ABCA13: variants seen among roughly 807,000 people sequenced by gnomAD.
ABCA13 encodes the protein ATP binding cassette subfamily A member 13.
ABCA13 carries 476 observed loss-of-function variants against 478.7 expected under a neutral mutation model. The observed-to-expected ratio is 0.99, with a 90% CI of 0.92 to 1.07. The LOEUF is 1.07. ABCA13 is among the 50% of genes least tolerant of loss of function. The pLI is 0.00. For synonymous variants in ABCA13, 2,252 were observed against 2,158.9 expected (o/e 1.04, Z -1.20); for missense variants, 6,060 against 5,910.6 (o/e 1.03, Z -0.83).
intron 59 of ABCA13, among the ~76,000 whole-genome samples, chr7:48,638,895 A>C (rs73696907): frequency 0.019 from 2,853 of 152,284 alleles, 81 homozygotes; most frequent in African/African-American, 0.064. Context: ...ATTAGATGAG[A>C]TCCTGCTTCA....
At chr7:48,300,853 C>T (rs1011214584) in intron 23 of ABCA13, among the ~76,000 whole-genome samples, 1 of 152,214 alleles carries the variant, frequency 6.6e-6, no homozygotes, top group Non-Finnish European at 1.5e-5. Flanking sequence ...CCTGGGTTTG[C>T]ATCCTGTCCA....
chr7:48,454,641 C>T (rs540979120), intron 42 of ABCA13, among the ~76,000 whole-genome samples: 10 of 152,196 alleles, frequency 6.6e-5, no homozygotes, highest in Middle Eastern at 3.4e-3. Context: ...TGGGGTTATT[C>T]CCTGAATGAA....
At chr7:48,510,886 A>G (rs1203507458) in intron 50 of ABCA13, among the ~76,000 whole-genome samples, 198 bp from the exon 51 acceptor site, 1 of 151,624 alleles carries the variant, frequency 6.6e-6, no homozygotes, top group Admixed American at 6.6e-5. Context: ...CTGGGGGTTC[A>G]ATGTATAAAT....
intron 41 of ABCA13, among the ~76,000 whole-genome samples, chr7:48,427,548 G>C (rs1821596996): frequency 6.6e-6 from 1 of 152,204 alleles, no homozygotes; most frequent in Non-Finnish European, 1.5e-5. Context: ...GGAGTTCACA[G>C]TCAAGTTTCA....
intron 57 of ABCA13, among the ~76,000 whole-genome samples, chr7:48,592,199 C>CT (rs57534854): frequency 6.6e-6 from 1 of 151,376 alleles, no homozygotes; most frequent in Non-Finnish European, 1.5e-5. Context: ...TGAAATCTTT[C>CT]TTTTTTTCTT....
In ABCA13 at chr7:48,278,580, T is replaced by C; in HGVS notation, c.7386T>C (p.Asn2462=). ...CGGATTTGCTTTTCTTTATAAATAA[T>C]TCATTCCCTCTAAGAAACAGAGCAA... The part of the protein sequence containing the change: ...NLTDLLFFIN[N]SFPLRNRATL... The change falls in exon 18 of 62, where the codon AAT becomes AAC. Residue 2462 remains asparagine (N), a synonymous_variant. Coordinates refer to ENST00000435803, the MANE Select transcript of ABCA13 (RefSeq NM_152701.5). The C allele has an allele frequency of 1.2e-6, 2 of 1,613,906 alleles. No homozygotes were observed. Among genetic ancestry groups the C allele is most frequent in the Non-Finnish European group, 1.7e-6 (2 of 1,179,844 alleles).
chr7:48,398,311 T>C (rs1315487328), intron 38 of ABCA13, among the ~76,000 whole-genome samples: 1 of 152,212 alleles, frequency 6.6e-6, no homozygotes, highest in Non-Finnish European at 1.5e-5. Flanking sequence ...TGCTTCATCT[T>C]TTTTTGGGTG....
At chr7:48,447,883 G>A (rs1824495356) in intron 42 of ABCA13, among the ~76,000 whole-genome samples, 1 of 152,210 alleles carries the variant, frequency 6.6e-6, no homozygotes, top group South Asian at 2.1e-4. Context: ...AGACAGGTAA[G>A]TGGAAGGTGA....
intron 27 of ABCA13, among the ~76,000 whole-genome samples, chr7:48,319,168 T>A (rs1046594121): frequency 6.6e-5 from 10 of 152,084 alleles, no homozygotes; most frequent in African/African-American, 2.4e-4. Context: ...GACAGAGGTG[T>A]GGGGAGGTGC....
intron 48 of ABCA13, among the ~76,000 whole-genome samples, chr7:48,499,051 A>G (rs1238856346): frequency 6.6e-6 from 1 of 152,164 alleles, no homozygotes; most frequent in Non-Finnish European, 1.5e-5. Flanking sequence ...TTGGTTTTGG[A>G]TAGGATTATA....
intron 35 of ABCA13, among the ~76,000 whole-genome samples, chr7:48,383,649 A>G (rs1379422851): frequency 1.3e-5 from 2 of 152,218 alleles, no homozygotes; most frequent in African/African-American, 2.4e-5. Flanking sequence ...GCTATAATAC[A>G]TCAGATGGAT....
In ABCA13 at chr7:48,285,396, A is replaced by T. The variant is rs952471377; in HGVS notation, c.8837-2564A>T. 2.8e-4 allele frequency among the ~76,000 whole-genome samples: 43 copies of T among 152,184 alleles called. 2 individuals are homozygous for T. The highest frequency in any genetic ancestry group is 9.9e-4 in the African/African-American group (41 of 41,454). Reference sequence around the variant, plus strand: ...GGTGGAGAAAGAGGGTACCCGGGAAAGTTGGAGGAGTCAAGGCTCAAAACC... The same window carrying T: ...GGTGGAGAAAGAGGGTACCCGGGAATGTTGGAGGAGTCAAGGCTCAAAACC... On this transcript the variant is annotated intron_variant, in intron 19 of 61. Transcript: ENST00000435803.
chr7:48,645,539 A>C lies in ABCA13; in HGVS notation c.*27A>C, dbSNP rs561507666. ...CACTAAAGAAGTTTCCATAAGGAAT[A>C]AAACCTTGTCTTCCATTACAATTAA... is the stretch of plus-strand genomic sequence containing the variant. On this transcript the variant is annotated 3_prime_UTR_variant, in exon 62 of 62. Coordinates refer to ENST00000435803, the MANE Select transcript of ABCA13 (RefSeq NM_152701.5). 6.5e-7 allele frequency: 1 copy of C among 1,530,462 alleles called. No homozygotes were observed. Among genetic ancestry groups the C allele is most frequent in the South Asian group, 1.2e-5 (1 of 83,078 alleles). The allele number at this position is 1,530,462 out of a possible 1,614,324, so 94.8% of individuals were successfully genotyped here.
At chr7:48,519,266 G>A (rs558966577) in intron 52 of ABCA13, among the ~76,000 whole-genome samples, 1 of 152,238 alleles carries the variant, frequency 6.6e-6, no homozygotes, top group Non-Finnish European at 1.5e-5. Flanking sequence ...GTGAACATAT[G>A]TGTGCACATA....
At chr7:48,469,478 C>T (rs189091772) in intron 44 of ABCA13, among the ~76,000 whole-genome samples, 2 of 152,276 alleles carry the variant, frequency 1.3e-5, no homozygotes, top group African/African-American at 4.8e-5. Flanking sequence ...ACTTGCTGAA[C>T]CTCTCTCTGC....
chr7:48,298,470 A>G lies in ABCA13; in HGVS notation c.9304A>G (p.Asn3102Asp), dbSNP rs1388224460. 7 of 1,612,866 alleles carry G rather than the reference A, an allele frequency of 4.3e-6. No homozygotes were observed. The Admixed American group carries it at 1.2e-4, about 27-fold the overall frequency. The change falls in exon 23 of 62, where the codon AAT (asparagine) becomes GAT (aspartate). Residue 3102 changes from asparagine (N) to aspartate (D), a missense_variant. By Grantham distance (23) the Asn-to-Asp change is conservative. Coordinates refer to ENST00000435803, the MANE Select transcript of ABCA13 (RefSeq NM_152701.5). ...NETIHSILEA[N>D]ISHSKVLFSA... ...GACTATCCATAGCATTCTAGAAGCA[A>G]ATATTTCCCACTCCAAGGTGTGGTG...
chr7:48,579,625 AC>A (rs751682131), intron 55 of ABCA13, among the ~76,000 whole-genome samples: 3 of 106,914 alleles, frequency 2.8e-5, no homozygotes, highest in Non-Finnish European at 3.8e-5. Context: ...TAATAAAAAA[AC>A]AGTTTGATTA....
rs1404213505 is a variant in ABCA13, at chr7:48,274,265, A to G, written c.4599A>G (p.Ser1533=). 1 of 1,613,006 alleles carries G rather than the reference A, an allele frequency of 6.2e-7. No homozygotes were observed. Among genetic ancestry groups the G allele is most frequent in the East Asian group, 2.2e-5 (1 of 44,818 alleles). ...TELILRPIEM[S]DEIPNQFQNI... The stretch of plus-strand genomic sequence containing the variant: ...TAATTCTAAGACCAATAGAAATGTC[A>G]GATGAAATTCCTAATCAGTTTCAAA... Residue 1533 remains serine (S), a synonymous_variant, in exon 17 of 62, where the codon TCA becomes TCG. Transcript: ENST00000435803.
intron 28 of ABCA13, among the ~76,000 whole-genome samples, 172 bp from the exon 29 acceptor site, chr7:48,338,193 C>T (rs1806567288): frequency 6.6e-6 from 1 of 152,294 alleles, no homozygotes; most frequent in South Asian, 2.1e-4. Flanking sequence ...AGGTAAGCTT[C>T]TAATAAGATA....
Sources: gnomAD v4.1 joint callset for allele counts (sites outside exome capture counted in the v4.1 genomes callset) on GRCh38, gnomAD v4.1.1 for gene constraint, MANE v1.5 for transcripts, NCBI Gene and HGNC (gene_info 2026-07-23, HGNC 2026-07-21) for gene names.